PTPRN2: variants seen among roughly 807,000 people sequenced by gnomAD.
PTPRN2 encodes receptor-type tyrosine-protein phosphatase N2.
PTPRN2 carries 74 observed loss-of-function variants against 118.8 expected under a neutral mutation model. That is an observed-to-expected ratio of 0.62 (90% CI 0.52 to 0.76). The LOEUF is 0.76. PTPRN2 is among the 30% of genes least tolerant of loss of function. The pLI, the probability that PTPRN2 is intolerant of heterozygous loss-of-function variation, is 0.00. For missense variants in PTPRN2, 1,481 were observed against 1,394.4 expected, an observed-to-expected ratio of 1.06 and a Z score of -0.99; for synonymous variants, 641 against 608.0, an observed-to-expected ratio of 1.05 and a Z score of -0.80.
chr7:157,578,129 C>T lies in PTPRN2; in HGVS notation c.2508G>A (p.Glu836=), dbSNP rs1372742752. ...TVADFWQMVW[E]SGCVVIVMLT... ...GCATGACGATCACCACGCAGCCGCT[C>T]TCCCACACCATCTGCGGACAAAGAA... The change falls in exon 18 of 23, where the codon GAG becomes GAA. Residue 836 remains glutamate, a synonymous_variant. Coordinates refer to ENST00000389418, the MANE Select transcript of PTPRN2 (RefSeq NM_002847.5). The T allele has an allele frequency of 1.2e-6, 2 of 1,610,666 alleles. No homozygotes were observed. Among genetic ancestry groups the T allele is most frequent in the Non-Finnish European group, 1.7e-6 (2 of 1,178,096 alleles).
chr7:157,570,275 A>G (rs1422748328), intron 20 of PTPRN2, among the ~76,000 whole-genome samples: 1 of 151,584 alleles, frequency 6.6e-6, no homozygotes, highest in East Asian at 2.0e-4. Context: ...ATATTTTAAG[A>G]TATACTTCAA....
Position 157,692,847 on chromosome 7 carries a change from G to C in PTPRN2, c.1789-9910C>G, listed in dbSNP as rs376575493. On this transcript the variant is annotated intron_variant, in intron 12 of 22. Transcript: ENST00000389418. ...AGGCCCGCAAAAACCCCCGCACCCTGGCTCGGGGGCGGCGCGGCGGCGGGC... is the reference window on the plus strand; with the variant it reads ...AGGCCCGCAAAAACCCCCGCACCCTCGCTCGGGGGCGGCGCGGCGGCGGGC... Among the ~76,000 whole-genome samples the C allele has an allele frequency of 3.3e-5, 5 of 152,148 alleles. No individual in the cohort carries two copies. In the East Asian group the frequency reaches 9.7e-4, roughly 30 times the overall value.
intron 14 of PTPRN2, among the ~76,000 whole-genome samples, chr7:157,651,987 C>T (rs1188321952): frequency 6.6e-6 from 1 of 152,240 alleles, no homozygotes; most frequent in Non-Finnish European, 1.5e-5. Flanking sequence ...GCACGGACTG[C>T]ACCTTCCCTG....
chr7:158,428,585 A>G (rs1815930653), intron 2 of PTPRN2, among the ~76,000 whole-genome samples: 1 of 152,212 alleles, frequency 6.6e-6, no homozygotes. Flanking sequence ...TATGTTCTTA[A>G]GAAACTCCTA....
chr7:158,451,679 G>T (rs1158667554), intron 2 of PTPRN2, among the ~76,000 whole-genome samples: 1 of 152,136 alleles, frequency 6.6e-6, no homozygotes, highest in Non-Finnish European at 1.5e-5. Flanking sequence ...AACGCTCGCG[G>T]TTTTTTCCTA....
At chr7:158,226,719 A>G (rs926476635) in intron 3 of PTPRN2, among the ~76,000 whole-genome samples, 2 of 144,232 alleles carry the variant, frequency 1.4e-5, no homozygotes, top group African/African-American at 2.6e-5. Flanking sequence ...TAAGATATGC[A>G]TCTTGAAGTG....
intron 12 of PTPRN2, among the ~76,000 whole-genome samples, chr7:157,734,418 A>C (rs1314713250): frequency 6.6e-6 from 1 of 152,276 alleles, no homozygotes; most frequent in African/African-American, 2.4e-5. Context: ...AACCCAATTC[A>C]GCTTTTCAAA....
At chr7:158,255,382 C>T (rs1463509919) in intron 3 of PTPRN2, among the ~76,000 whole-genome samples, 2 of 152,204 alleles carry the variant, frequency 1.3e-5, no homozygotes, top group African/African-American at 4.8e-5. Flanking sequence ...TCCACGGCCA[C>T]AGGGAACAGG....
intron 12 of PTPRN2, among the ~76,000 whole-genome samples, chr7:157,766,227 C>A (rs916680227): frequency 6.6e-6 from 1 of 150,960 alleles, no homozygotes; most frequent in East Asian, 1.9e-4. Context: ...ACACACCCAT[C>A]CATCCATCCA....
chr7:158,245,650 A>T (rs974190275), intron 3 of PTPRN2, among the ~76,000 whole-genome samples: 1 of 152,018 alleles, frequency 6.6e-6, no homozygotes, highest in African/African-American at 2.4e-5. Flanking sequence ...TACAAAGGCA[A>T]CTCTGCACAT....
chr7:158,578,630 T>A (rs1563452882), intron 1 of PTPRN2, among the ~76,000 whole-genome samples: 1 of 152,042 alleles, frequency 6.6e-6, no homozygotes, highest in African/African-American at 2.4e-5. Context: ...GGGTTTATGA[T>A]GATCCTGTCA....
intron 1 of PTPRN2, among the ~76,000 whole-genome samples, chr7:158,504,383 T>C (rs1031167769): frequency 6.6e-6 from 1 of 151,886 alleles, no homozygotes; most frequent in Non-Finnish European, 1.5e-5. Flanking sequence ...GTCTGTGTCG[T>C]TCCCCCCCCA....
intron 13 of PTPRN2, among the ~76,000 whole-genome samples, chr7:157,675,308 T>C (rs1796614127): frequency 6.6e-6 from 1 of 152,120 alleles, no homozygotes. Context: ...CTGAAGCCCC[T>C]TGGGCTGGGA....
chr7:157,995,205 C>T lies in PTPRN2; in HGVS notation c.1723+86093G>A, dbSNP rs1165525697. ...TTACAACTCCTTGTTCTAAAATCAA[C>T]GCTGTGTCCACAGCTTACAACTCCT... On this transcript the variant is annotated intron_variant, in intron 11 of 22. Transcript: ENST00000389418. Among the ~76,000 whole-genome samples the T allele has an allele frequency of 1.1e-4, 17 of 151,156 alleles. 1 individual carries two copies. The South Asian group carries it at 1.9e-3, about 17-fold the overall frequency.
intron 12 of PTPRN2, among the ~76,000 whole-genome samples, chr7:157,760,537 TCCTC>T: frequency 6.6e-6 from 1 of 151,760 alleles, no homozygotes; most frequent in Middle Eastern, 3.4e-3. Context: ...CCTCTCCCTG[TCCTC>T]CCTCCCATCC....
Position 157,974,523 on chromosome 7 carries a change from G to A in PTPRN2, c.1724-75786C>T, listed in dbSNP as rs1257558466. Among the ~76,000 whole-genome samples, 1 of 152,166 alleles carries A rather than the reference G, an allele frequency of 6.6e-6. No homozygotes were observed. The highest frequency in any genetic ancestry group is 1.5e-5 in the Non-Finnish European group (1 of 68,022). ...CAGTGGGAACCGTCGGTCCTGCCAT[G>A]GGACGATGTGACTGGGGGCTCGTCC... On this transcript the variant is annotated intron_variant, in intron 11 of 22. Transcript: ENST00000389418. The surrounding 1 kb of genome is among the most constrained non-coding windows in gnomAD (Gnocchi z 4.0).
chr7:157,789,422 C>G (rs1174389207), intron 12 of PTPRN2, among the ~76,000 whole-genome samples: 1 of 152,232 alleles, frequency 6.6e-6, no homozygotes, highest in Non-Finnish European at 1.5e-5. Context: ...GTCAGAGAGA[C>G]TGGGTTTCGG....
intron 2 of PTPRN2, among the ~76,000 whole-genome samples, chr7:158,330,995 C>G (rs200476180): frequency 5.3e-4 from 23 of 43,712 alleles, no homozygotes; most frequent in Non-Finnish European, 6.6e-4. Context: ...ACCATAAGAG[C>G]TGACACCCGC....
At chr7:158,334,540 C>G (rs1185826950) in intron 2 of PTPRN2, among the ~76,000 whole-genome samples, 1 of 112,998 alleles carries the variant, frequency 8.8e-6, no homozygotes, top group Non-Finnish European at 2.0e-5. Context: ...AGACGTCACT[C>G]ACACCCACAC....
Sources: allele counts gnomAD v4.1 joint callset (sites outside exome capture counted in the v4.1 genomes callset), GRCh38; gene constraint gnomAD v4.1.1; non-coding constraint Gnocchi (gnomAD v3.1); transcripts MANE v1.5; gene names NCBI Gene and HGNC (gene_info 2026-07-23, HGNC 2026-07-21).